The following COL4A4 variants were observed in gnomAD, a reference collection of about 807,000 sequenced individuals.
The protein encoded by COL4A4 is collagen alpha-4(IV) chain.
A neutral mutation model predicts 192.9 loss-of-function variants in COL4A4; 105 were observed. That is an observed-to-expected ratio of 0.54 (90% CI 0.46 to 0.64). The LOEUF (loss-of-function observed/expected upper bound fraction) is 0.64, where lower values mean the gene tolerates loss of function less well. COL4A4 is among the 30% of genes least tolerant of loss of function. The pLI is 0.00. For missense variants in COL4A4, 1,967 were observed against 2,169.3 expected (o/e 0.91, Z 1.85); for synonymous variants, 762 against 769.9 (o/e 0.99, Z 0.17).
At chr2:227,008,640 AGT>A (rs1250903426) in intron 46 of COL4A4, among the ~76,000 whole-genome samples, 1 of 152,210 alleles carries the variant, frequency 6.6e-6, no homozygotes, top group Non-Finnish European at 1.5e-5. Context: ...AAGAATGAGA[AGT>A]GTGGGGATCC....
chr2:226,969,842 T>C, the COL4A4 span, among the ~76,000 whole-genome samples: 6 of 152,232 alleles, frequency 3.9e-5, no homozygotes, highest in African/African-American at 1.4e-4. Flanking sequence ...TTTCTTGGTT[T>C]GTTTTCTTGT....
chr2:227,041,852 A>AAGAAAGAAAGAGAGAGAGAG (rs1971344345), intron 37 of COL4A4, among the ~76,000 whole-genome samples: 1 of 71,364 alleles, frequency 1.4e-5, no homozygotes, highest in Non-Finnish European at 2.8e-5. Context: ...AAGAAAGAGA[A>AAGAAAGAAAGAGAGAGAGAG]AGAAAGAAAG....
the COL4A4 span, among the ~76,000 whole-genome samples, chr2:226,977,366 C>T: frequency 1.3e-5 from 2 of 152,072 alleles, no homozygotes; most frequent in African/African-American, 4.8e-5. Context: ...ACTGAGTGTC[C>T]GAAATAGCCG....
intron 44 of COL4A4, among the ~76,000 whole-genome samples, chr2:227,016,466 G>A (rs1964884340): frequency 6.6e-6 from 1 of 152,152 alleles, no homozygotes; most frequent in African/African-American, 2.4e-5. Flanking sequence ...AGTAACCCCA[G>A]TTACAGTGGA....
At chr2:226,986,189 A>T in the COL4A4 span, among the ~76,000 whole-genome samples, 1 of 152,238 alleles carries the variant, frequency 6.6e-6, no homozygotes, top group Non-Finnish European at 1.5e-5. Flanking sequence ...CATGGGGGTC[A>T]AGAAAGGACT....
At chr2:227,034,895 CTCA>C (rs777543879) in intron 37 of COL4A4, among the ~76,000 whole-genome samples, 9 of 151,362 alleles carry the variant, frequency 5.9e-5, no homozygotes, top group Non-Finnish European at 7.4e-5. Flanking sequence ...AGGACATGAA[CTCA>C]TCATTTTTTA....
Position 227,007,287 on chromosome 2 carries a change from A to G in COL4A4, c.*38T>C. 6.2e-7 allele frequency: 1 copy of G among 1,613,924 alleles called. No individual in the cohort carries two copies. On this transcript the variant is annotated 3_prime_UTR_variant, in exon 48 of 48. Transcript: ENST00000396625. ...TCTAGGAAGTCTTAGCCCCCTAGGAAGTTTCTCTTGGCCACGTGTTGGTGA... is the reference window on the plus strand; with the variant it reads ...TCTAGGAAGTCTTAGCCCCCTAGGAGGTTTCTCTTGGCCACGTGTTGGTGA...
chr2:226,994,697 C>T, the COL4A4 span, among the ~76,000 whole-genome samples: 1 of 152,168 alleles, frequency 6.6e-6, no homozygotes. Flanking sequence ...TCCTTGAGAT[C>T]AAGGACTATG....
At chr2:227,045,799 CACAT>C (rs1559487127) in intron 35 of COL4A4, among the ~76,000 whole-genome samples, 76 of 54,292 alleles carry the variant, frequency 1.4e-3, no homozygotes, top group African/African-American at 9.4e-3. Context: ...TATATATATA[CACAT>C]ATATATATAT....
chr2:227,083,184 G>A (rs1266547275), intron 22 of COL4A4, among the ~76,000 whole-genome samples: 1 of 152,140 alleles, frequency 6.6e-6, no homozygotes, highest in Non-Finnish European at 1.5e-5. Flanking sequence ...AGCTGAGATC[G>A]TGCCACTGTA....
chr2:227,094,110 T>A lies in COL4A4; in HGVS notation c.1369+15A>T. ...CAGCATAAATGCTAATGGATATGAA[T>A]AAGGAGTACTTTACCACTTGATCCT... is the stretch of plus-strand genomic sequence containing the variant. On this transcript the variant is annotated intron_variant, in intron 20 of 47. Coordinates refer to ENST00000396625, the MANE Select transcript of COL4A4 (RefSeq NM_000092.5). 6.2e-7 allele frequency: 1 copy of A among 1,611,602 alleles called. No individual in the cohort carries two copies. Among genetic ancestry groups the A allele is most frequent in the Non-Finnish European group, 8.5e-7 (1 of 1,178,082 alleles).
intron 4 of COL4A4, among the ~76,000 whole-genome samples, chr2:227,139,290 G>A (rs906817397): frequency 6.6e-6 from 1 of 152,146 alleles, no homozygotes; most frequent in African/African-American, 2.4e-5. Flanking sequence ...CAGCGAGAAT[G>A]GATGAGGACA....
In COL4A4 at chr2:227,050,113, C is replaced by T. The variant is rs774907866; in HGVS notation, c.3169G>A (p.Gly1057Ser). The change falls in exon 34 of 48, where the codon GGT becomes AGT. Residue 1057 changes from glycine to serine, a missense_variant. Physicochemically the swap from Gly to Ser is moderately conservative, Grantham distance 56. Coordinates refer to ENST00000396625, the MANE Select transcript of COL4A4 (RefSeq NM_000092.5). ...TCAATTCCTGAAAATCCAGGGGGAC[C>T]TGGAGAACCTGGCTCACCCTGACAG... The part of the protein sequence containing the change: ...PGDQGEPGSP[G>S]PPGFSGIDGA... The T allele has an allele frequency of 6.2e-7, 1 of 1,614,184 alleles. No homozygotes were observed. Among genetic ancestry groups the T allele is most frequent in the Non-Finnish European group, 8.5e-7 (1 of 1,180,028 alleles).
At chr2:227,075,649 C>T (rs772072901) in intron 25 of COL4A4, among the ~76,000 whole-genome samples, 2 of 152,062 alleles carry the variant, frequency 1.3e-5, no homozygotes, top group African/African-American at 4.8e-5. Context: ...GGCAATCAGG[C>T]AACAGAAAGA....
intron 12 of COL4A4, among the ~76,000 whole-genome samples, chr2:227,105,844 A>C (rs1160905565): frequency 6.6e-6 from 1 of 152,010 alleles, no homozygotes; most frequent in Non-Finnish European, 1.5e-5. Context: ...TCATTTCCTT[A>C]CTTCCTTGAA....
rs2061905695 is a variant in COL4A4 at position 227,123,282 on chromosome 2, T to C, written c.193-2134A>G. Among the ~76,000 whole-genome samples the C allele has an allele frequency of 1.3e-5, 2 of 152,100 alleles. No homozygotes were observed. The highest frequency in any genetic ancestry group is 2.9e-5 in the Non-Finnish European group (2 of 68,034). ...ACATTCACCACAGTGTTATATGCAATAGCAAGAGAAACCGGAAATCCACGG... is the reference window on the plus strand; with the variant it reads ...ACATTCACCACAGTGTTATATGCAACAGCAAGAGAAACCGGAAATCCACGG... On this transcript the variant is annotated intron_variant, in intron 4 of 47. Coordinates refer to ENST00000396625, the MANE Select transcript of COL4A4 (RefSeq NM_000092.5). This position sits in a 1 kb window ranked among gnomAD's most constrained non-coding sequence, Gnocchi z 4.6.
At chr2:227,033,929 CAT>C (rs1177961327) in intron 37 of COL4A4, among the ~76,000 whole-genome samples, 1 of 152,184 alleles carries the variant, frequency 6.6e-6, no homozygotes, top group African/African-American at 2.4e-5. Context: ...AGGATCTACT[CAT>C]GGAGATGCAG....
At chr2:227,057,157 T>C (rs1975587847) in intron 29 of COL4A4, among the ~76,000 whole-genome samples, 2 of 152,216 alleles carry the variant, frequency 1.3e-5, no homozygotes, top group South Asian at 4.1e-4. Context: ...AAAAGCAGGC[T>C]TTCTCACAGG....
intron 35 of COL4A4, 45 bp downstream of exon 35, chr2:227,047,430 C>G: frequency 3.6e-6 from 5 of 1,394,978 alleles, no homozygotes; most frequent in Non-Finnish European, 5.1e-6. Context: ...GCTTTTCAAA[C>G]TAAACTACTT....
Sources: gnomAD v4.1 joint callset for allele counts (sites outside exome capture counted in the v4.1 genomes callset) on GRCh38, gnomAD v4.1.1 for gene constraint, Gnocchi (gnomAD v3.1) non-coding constraint, MANE v1.5 for transcripts, NCBI Gene and HGNC (gene_info 2026-07-23, HGNC 2026-07-21) for gene names.